Variants in CAMSAP2 observed in about 807,000 individuals in gnomAD.
CAMSAP2 encodes the protein calmodulin-regulated spectrin-associated protein 2.
In CAMSAP2, 26 loss-of-function variants were observed where a neutral mutation model predicts 146.1. That is an observed-to-expected ratio of 0.18 (90% CI 0.13 to 0.25). The LOEUF (loss-of-function observed/expected upper bound fraction) is 0.25. CAMSAP2 is among the 10% of genes least tolerant of loss of function. The pLI is 1.00. For synonymous variants in CAMSAP2, 499 were observed against 596.6 expected (o/e 0.84, Z 2.38); for missense variants, 1,381 against 1,759.3 (o/e 0.78, Z 3.85).
chr1:200,784,510 A>G (rs529208813), intron 2 of CAMSAP2, among the ~76,000 whole-genome samples: 4 of 152,214 alleles, frequency 2.6e-5, no homozygotes, highest in Non-Finnish European at 5.9e-5. Context: ...TGAATCTTTC[A>G]TATTTTTGAT....
intron 4 of CAMSAP2, among the ~76,000 whole-genome samples, chr1:200,816,463 C>T (rs770174877): frequency 2.8e-5 from 4 of 142,580 alleles, no homozygotes; most frequent in South Asian, 2.2e-4. Flanking sequence ...GCGTGGTGGC[C>T]GGTGCTTGTA....
At chr1:200,765,160 T>C (rs1176182836) in intron 2 of CAMSAP2, among the ~76,000 whole-genome samples, 1 of 152,062 alleles carries the variant, frequency 6.6e-6, no homozygotes, top group Non-Finnish European at 1.5e-5. Context: ...AAAACATTTC[T>C]CTCAATCTCC....
intron 4 of CAMSAP2, among the ~76,000 whole-genome samples, chr1:200,829,369 C>T (rs1396078452): frequency 6.6e-6 from 1 of 151,972 alleles, no homozygotes; most frequent in Non-Finnish European, 1.5e-5. Context: ...TCTTGGACAA[C>T]ATATTGAACC....
intron 4 of CAMSAP2, among the ~76,000 whole-genome samples, chr1:200,816,762 GTA>G (rs1666520558): frequency 8.8e-6 from 1 of 113,722 alleles, no homozygotes; most frequent in Non-Finnish European, 1.9e-5. Context: ...ATATATGTGT[GTA>G]CACACACACG....
intron 6 of CAMSAP2, among the ~76,000 whole-genome samples, chr1:200,837,045 G>T (rs1667203078): frequency 6.6e-6 from 1 of 152,046 alleles, no homozygotes; most frequent in African/African-American, 2.4e-5. Context: ...TAAGCTCTCT[G>T]TTCACACTGT....
At chr1:200,757,331 C>T (rs1664679903) in intron 1 of CAMSAP2, among the ~76,000 whole-genome samples, 1 of 152,204 alleles carries the variant, frequency 6.6e-6, no homozygotes, top group South Asian at 2.1e-4. Context: ...GCTCCCTCTA[C>T]CTGTACCTCA....
chr1:200,832,486 T>G lies in CAMSAP2; in HGVS notation c.787+145T>G. The stretch of plus-strand genomic sequence containing the variant: ...ATATTATTTAATAAGTACTGAAGAC[T>G]TTTTTTTAAAAATAAAGAACATTTA... On this transcript the variant is annotated intron_variant, in intron 5 of 16. Coordinates refer to ENST00000358823, the MANE Select transcript of CAMSAP2 (RefSeq NM_203459.4). The surrounding 1 kb of genome is among the most constrained non-coding windows in gnomAD (Gnocchi z 4.2). The G allele has an allele frequency of 1.2e-6, 1 of 847,956 alleles. No individual in the cohort carries two copies. The highest frequency in any genetic ancestry group is 1.7e-6 in the Non-Finnish European group (1 of 594,442). The allele number at this position is 847,956 out of a possible 1,614,324, so 52.5% of individuals were successfully genotyped here. A position where few individuals can be genotyped will look rare whatever the true frequency, so the allele number is the denominator to read the frequency against.
At chr1:200,767,900 G>C (rs1283870586) in intron 2 of CAMSAP2, among the ~76,000 whole-genome samples, 1 of 152,062 alleles carries the variant, frequency 6.6e-6, no homozygotes. Flanking sequence ...TTACAACCAT[G>C]TTTATCATGT....
chr1:200,809,034 A>G (rs946201685), intron 3 of CAMSAP2, among the ~76,000 whole-genome samples: 10 of 152,218 alleles, frequency 6.6e-5, no homozygotes, highest in African/African-American at 2.4e-4. Context: ...CATAAGCACA[A>G]ACTTCCACTG....
chr1:200,822,247 A>C (rs1049591685), intron 4 of CAMSAP2, among the ~76,000 whole-genome samples: 1 of 152,142 alleles, frequency 6.6e-6, no homozygotes, highest in Non-Finnish European at 1.5e-5. Context: ...ACTTCAATAT[A>C]TATTTCCTAA....
In CAMSAP2 at chr1:200,758,411, G is replaced by T. The variant is rs1571722109; in HGVS notation, c.140-2428G>T. Among the ~76,000 whole-genome samples, 3 of 152,254 alleles carry T rather than the reference G, an allele frequency of 2.0e-5. No individual in the cohort carries two copies. In the South Asian group the frequency reaches 6.2e-4, roughly 32 times the overall value. On this transcript the variant is annotated intron_variant, in intron 1 of 16. Coordinates refer to ENST00000358823, the MANE Select transcript of CAMSAP2 (RefSeq NM_203459.4). ...TCTGTTTATTTCCTACAATACTAAAGTGTAAATGAATACCAGCACTATATT... is the reference window on the plus strand; with the variant it reads ...TCTGTTTATTTCCTACAATACTAAATTGTAAATGAATACCAGCACTATATT...
chr1:200,771,949 C>T (rs10800733), intron 2 of CAMSAP2, among the ~76,000 whole-genome samples: 25,825 of 152,102 alleles, frequency 0.17, 2,916 homozygotes, highest in East Asian at 0.35. Context: ...GGGTTAGATT[C>T]TGTTGCCTGC....
At position 200,832,570 on chromosome 1, in the gene CAMSAP2, TG is replaced by T; in HGVS notation, c.788-135del. The T allele has an allele frequency of 1.3e-6, 1 of 782,560 alleles. No homozygotes were observed. Among genetic ancestry groups the T allele is most frequent in the Non-Finnish European group, 1.9e-6 (1 of 537,138 alleles). The allele number at this position is 782,560 out of a possible 1,614,324, so 48.5% of individuals were successfully genotyped here. A position where few individuals can be genotyped will look rare whatever the true frequency, so the allele number is the denominator to read the frequency against. The stretch of plus-strand genomic sequence containing the variant: ...ATAGTGCTCGGTTTCTAAGTCTTAA[TG>T]TATAATGACTACTATATTTATAAAT... On this transcript the variant is annotated intron_variant, in intron 5 of 16. Transcript: ENST00000358823. This position sits in a 1 kb window ranked among gnomAD's most constrained non-coding sequence, Gnocchi z 4.2.
At chr1:200,831,612 GA>G (rs1326060777) in intron 4 of CAMSAP2, among the ~76,000 whole-genome samples, 1 of 150,996 alleles carries the variant, frequency 6.6e-6, no homozygotes, top group African/African-American at 2.4e-5. Context: ...AATTATTAAT[GA>G]AATCTAAGTT....
intron 2 of CAMSAP2, among the ~76,000 whole-genome samples, chr1:200,762,474 A>G (rs897502365): frequency 1.3e-5 from 2 of 152,154 alleles, no homozygotes; most frequent in African/African-American, 4.8e-5. Context: ...TTAGGTCCTT[A>G]TCAGTGTCTC....
At chr1:200,838,812 T>G (rs893118850) in intron 6 of CAMSAP2, among the ~76,000 whole-genome samples, 3 of 152,210 alleles carry the variant, frequency 2.0e-5, no homozygotes, top group African/African-American at 7.2e-5. Flanking sequence ...CAAAAATGTT[T>G]GAATCAGAGC....
intron 6 of CAMSAP2, among the ~76,000 whole-genome samples, chr1:200,833,202 ATTT>A (rs1478679091): frequency 2.6e-5 from 4 of 152,120 alleles, no homozygotes; most frequent in South Asian, 4.1e-4. Context: ...TTTTCTCCTT[ATTT>A]TGTTTTTTAA....
At chr1:200,750,287 G>C (rs1558159616) in intron 1 of CAMSAP2, among the ~76,000 whole-genome samples, 1 of 152,150 alleles carries the variant, frequency 6.6e-6, no homozygotes, top group African/African-American at 2.4e-5. Flanking sequence ...ATGGTTGAAG[G>C]AGAGGGAGGC....
At chr1:200,836,341 G>A (rs1667184267) in intron 6 of CAMSAP2, among the ~76,000 whole-genome samples, 1 of 152,124 alleles carries the variant, frequency 6.6e-6, no homozygotes, top group Non-Finnish European at 1.5e-5. Context: ...GAGAGCATGT[G>A]GTGTGTGGTT....
Sources: gnomAD v4.1 joint callset for allele counts (sites outside exome capture counted in the v4.1 genomes callset) on GRCh38, gnomAD v4.1.1 for gene constraint, Gnocchi (gnomAD v3.1) non-coding constraint, MANE v1.5 for transcripts, NCBI Gene and HGNC (gene_info 2026-07-23, HGNC 2026-07-21) for gene names.